The following MYL4 variants were observed in gnomAD, a reference collection of about 807,000 sequenced individuals.
MYL4 encodes the protein myosin light chain 4, also known as atrial myosin light chain 1.
Under a neutral mutation model 21.6 loss-of-function variants are expected in MYL4, and 16 were observed. That is an observed-to-expected ratio of 0.74 (90% CI 0.50 to 1.12). The LOEUF (loss-of-function observed/expected upper bound fraction) is 1.12. MYL4 is among the 50% of genes most tolerant of loss of function. MYL4 has a pLI of 0.00. For missense variants in MYL4, 249 were observed against 252.9 expected (o/e 0.98, Z 0.11); for synonymous variants, 82 against 95.7 (o/e 0.86, Z 0.83).
chr17:47,197,348 T>C (rs1184701143), upstream of MYL4, among the ~76,000 whole-genome samples: 1 of 152,128 alleles, frequency 6.6e-6, no homozygotes, highest in African/African-American at 2.4e-5. Context: ...TCTGCCAGCC[T>C]TGGCCTCCCA....
At chr17:47,207,515 G>A (rs941482953), upstream of MYL4, among the ~76,000 whole-genome samples, 3 of 152,204 alleles carry the variant, frequency 2.0e-5, no homozygotes, top group Non-Finnish European at 4.4e-5. Context: ...ATGGGCAGAT[G>A]TGGGCTCCAG....
At chr17:47,203,574 T>C (rs1262059354) in intron 1 of MYL4, among the ~76,000 whole-genome samples, 1 of 152,240 alleles carries the variant, frequency 6.6e-6, no homozygotes. Flanking sequence ...TGTCCTGGTG[T>C]CATATTAGTA....
At chr17:47,211,671 A>C (rs1195561469) in intron 1 of MYL4, among the ~76,000 whole-genome samples, 1 of 151,950 alleles carries the variant, frequency 6.6e-6, no homozygotes, top group Non-Finnish European at 1.5e-5. Context: ...TTTTCTTTCC[A>C]ACCCAGTTAA....
At chr17:47,221,984 A>T (rs918022238) in intron 4 of MYL4, 129 bp downstream of exon 4, 2 of 1,059,258 alleles carry the variant, frequency 1.9e-6, no homozygotes, top group African/African-American at 3.2e-5. Context: ...TAATGACCTG[A>T]TCCAGGCCCT....
At chr17:47,201,992 G>A (rs1193638319) in intron 1 of MYL4, among the ~76,000 whole-genome samples, 2 of 151,888 alleles carry the variant, frequency 1.3e-5, no homozygotes, top group East Asian at 1.9e-4. Context: ...ATTCTTCTTT[G>A]TCTTCTTTTT....
upstream of MYL4, among the ~76,000 whole-genome samples, chr17:47,199,010 G>A (rs1056685508): frequency 4.0e-5 from 6 of 151,608 alleles, no homozygotes; most frequent in African/African-American, 9.7e-5. Context: ...CGAGGCAGGC[G>A]GATCACGAGG....
intron 3 of MYL4, 33 bp downstream of exon 3, chr17:47,220,086 G>A (rs1044785081): frequency 6.3e-7 from 1 of 1,574,864 alleles, no homozygotes; most frequent in African/African-American, 1.3e-5. Flanking sequence ...CCTCTCCCAG[G>A]GTCAGGCTTG....
At chr17:47,225,538 C>A (rs2064881910), downstream of MYL4, among the ~76,000 whole-genome samples, 1 of 152,188 alleles carries the variant, frequency 6.6e-6, no homozygotes, top group Admixed American at 6.5e-5. Context: ...AGAGCCAGTT[C>A]ACCGATTAGT....
chr17:47,223,108 A>C, intron 6 of MYL4, 51 bp downstream of exon 6: 1 of 1,579,742 alleles, frequency 6.3e-7, no homozygotes, highest in Non-Finnish European at 8.7e-7. Context: ...ATAGGGCCTT[A>C]AGAATAACAC....
At chr17:47,201,184 A>G (rs910429450) in intron 1 of MYL4, among the ~76,000 whole-genome samples, 6 of 152,144 alleles carry the variant, frequency 3.9e-5, no homozygotes. Context: ...ATAAATAAGT[A>G]AAAAATAAAG....
chr17:47,194,570 T>C, the MYL4 span, among the ~76,000 whole-genome samples: 3 of 152,200 alleles, frequency 2.0e-5, no homozygotes, highest in East Asian at 5.8e-4. Flanking sequence ...TTTTACCTCC[T>C]AAATATATCT....
At chr17:47,201,323 T>C (rs1365223938) in intron 1 of MYL4, among the ~76,000 whole-genome samples, 1 of 152,346 alleles carries the variant, frequency 6.6e-6, no homozygotes, top group East Asian at 1.9e-4. Context: ...TTCATTGCTT[T>C]TTTTTTCCTC....
chr17:47,223,668 C>A lies in MYL4; in HGVS notation c.*175C>A, dbSNP rs1355536015. ...AGCTCTAACACGGCCAGGCTGGGCT[C>A]TGGGATTCTGACCAGTCTCTGTTTT... On this transcript the variant is annotated 3_prime_UTR_variant, in exon 7 of 7. Transcript: ENST00000393450. The A allele has an allele frequency of 1.3e-5, 2 of 152,268 alleles. No homozygotes were observed. The highest frequency in any genetic ancestry group is 2.9e-5 in the Non-Finnish European group (2 of 68,172). 9.4% of individuals were successfully genotyped at this position (152,268 alleles called of 1,614,324 possible).
intron 1 of MYL4, 115 bp downstream of exon 1, chr17:47,209,672 C>T (rs1336114143): frequency 6.6e-7 from 1 of 1,524,944 alleles, no homozygotes; most frequent in Non-Finnish European, 9.1e-7. Context: ...CTAGGGTGTC[C>T]ATGCCCCAGA....
intron 1 of MYL4, among the ~76,000 whole-genome samples, chr17:47,210,261 AC>A (rs1406394779): frequency 1.3e-5 from 2 of 151,960 alleles, no homozygotes; most frequent in Admixed American, 6.5e-5. Flanking sequence ...CCTTTGCCCC[AC>A]CCTGCTCTCC....
chr17:47,226,014 G>T (rs2064884424), downstream of MYL4, among the ~76,000 whole-genome samples: 1 of 151,806 alleles, frequency 6.6e-6, no homozygotes, highest in Non-Finnish European at 1.5e-5. Context: ...GTAGTTTTTT[G>T]ATCCTCACCC....
chr17:47,219,530 A>G (rs2149047058), intron 2 of MYL4, among the ~76,000 whole-genome samples: 1 of 151,904 alleles, frequency 6.6e-6, no homozygotes, highest in Non-Finnish European at 1.5e-5. Context: ...TTGTTTCAAG[A>G]TGGAGTTTCA....
chr17:47,221,931 G>C, intron 4 of MYL4, 76 bp downstream of exon 4: 1 of 1,509,816 alleles, frequency 6.6e-7, no homozygotes, highest in Non-Finnish European at 9.0e-7. Context: ...ACATATGCTG[G>C]TTGGGTGGGG....
chr17:47,204,564 G>A (rs2064720377), upstream of MYL4, among the ~76,000 whole-genome samples: 1 of 151,994 alleles, frequency 6.6e-6, no homozygotes, highest in South Asian at 2.1e-4. Context: ...AGAAAACTGA[G>A]GCATGAAGAA....
Sources: allele counts gnomAD v4.1 joint callset (sites outside exome capture counted in the v4.1 genomes callset), GRCh38; gene constraint gnomAD v4.1.1; transcripts MANE v1.5; gene names NCBI Gene and HGNC (gene_info 2026-07-23, HGNC 2026-07-21).